The following AGBL4 variants were observed in gnomAD, a reference collection of about 807,000 sequenced individuals.
The protein encoded by AGBL4 is AGBL carboxypeptidase 4, also known as cytosolic carboxypeptidase 6.
A neutral mutation model predicts 66.4 loss-of-function variants in AGBL4; 58 were observed. That is an observed-to-expected ratio of 0.87 (90% CI 0.71 to 1.09). AGBL4 has a LOEUF of 1.09. AGBL4 is among the 50% of genes least tolerant of loss of function. The probability of loss-of-function intolerance (pLI) is 0.00; values close to 1 mark genes in which losing one functional copy is unlikely to be tolerated. For missense variants in AGBL4, 579 were observed against 631.0 expected, an observed-to-expected ratio of 0.92 and a Z score of 0.88; for synonymous variants, 234 against 222.9, an observed-to-expected ratio of 1.05 and a Z score of -0.44.
At chr1:49,357,495 A>T (rs974812309) in intron 3 of AGBL4, among the ~76,000 whole-genome samples, 1 of 152,176 alleles carries the variant, frequency 6.6e-6, no homozygotes, top group East Asian at 1.9e-4. Flanking sequence ...CCAATTTTGT[A>T]ATAAGTAGCA....
intron 6 of AGBL4, among the ~76,000 whole-genome samples, chr1:48,695,015 C>T (rs895925541): frequency 2.0e-5 from 3 of 152,184 alleles, no homozygotes; most frequent in African/African-American, 7.2e-5. Context: ...ACCCTACTGG[C>T]TCTTTTCTGT....
intron 3 of AGBL4, among the ~76,000 whole-genome samples, chr1:49,630,055 T>G (rs1645541135): frequency 6.6e-6 from 1 of 152,148 alleles, no homozygotes; most frequent in Admixed American, 6.5e-5. Flanking sequence ...TGCCTACAAT[T>G]AAAATAACTA....
intron 3 of AGBL4, among the ~76,000 whole-genome samples, chr1:49,439,559 G>C (rs781573028): frequency 2.6e-5 from 4 of 152,138 alleles, no homozygotes; most frequent in Admixed American, 6.5e-5. Flanking sequence ...GCGAAGTACC[G>C]ATCCTGGGTG....
intron 4 of AGBL4, among the ~76,000 whole-genome samples, chr1:49,207,542 T>TTTTCTTTCCTTCTTTC: frequency 2.6e-5 from 2 of 78,030 alleles, no homozygotes; most frequent in South Asian, 1.2e-3. Flanking sequence ...TTTTTCTTTC[T>TTTTCTTTCCTTCTTTC]TTTCTTTCTT....
intron 6 of AGBL4, among the ~76,000 whole-genome samples, chr1:48,718,888 G>A (rs545892470): frequency 2.2e-4 from 33 of 152,332 alleles, no homozygotes; most frequent in African/African-American, 7.7e-4. Context: ...TCTGATGGGA[G>A]GGCAGTGCCT....
chr1:48,885,181 A>G (rs1650202912), intron 5 of AGBL4, among the ~76,000 whole-genome samples: 1 of 152,188 alleles, frequency 6.6e-6, no homozygotes, highest in African/African-American at 2.4e-5. Flanking sequence ...ATATTTTTAA[A>G]TGATTCAAAA....
intron 2 of AGBL4, among the ~76,000 whole-genome samples, chr1:49,755,156 C>T (rs938258247): frequency 2.6e-5 from 4 of 152,146 alleles, no homozygotes; most frequent in Non-Finnish European, 4.4e-5. Flanking sequence ...CACATCAACC[C>T]TTAAGATCAG....
chr1:49,278,398 C>G (rs780115113), intron 3 of AGBL4, among the ~76,000 whole-genome samples: 2 of 151,958 alleles, frequency 1.3e-5, no homozygotes, highest in Non-Finnish European at 2.9e-5. Context: ...AGAGAGAGAG[C>G]AGCACTTGTT....
At chr1:49,995,228 C>A (rs1230475406) in intron 1 of AGBL4, 1 of 456,162 alleles carries the variant, frequency 2.2e-6, no homozygotes, top group Non-Finnish European at 4.4e-6. Flanking sequence ...TGCTTGCTTT[C>A]TCAGTGGAGA....
intron 3 of AGBL4, among the ~76,000 whole-genome samples, chr1:49,526,234 C>T (rs1650652924): frequency 6.6e-6 from 1 of 151,950 alleles, no homozygotes; most frequent in South Asian, 2.1e-4. Flanking sequence ...ATTAAATAAC[C>T]CTATCTTACT....
intron 1 of AGBL4, among the ~76,000 whole-genome samples, chr1:49,928,775 C>T (rs1653041877): frequency 6.6e-6 from 1 of 151,872 alleles, no homozygotes; most frequent in Non-Finnish European, 1.5e-5. Flanking sequence ...AAAGAACCAA[C>T]AGTTGACCCA....
chr1:48,754,205 C>G (rs1164448217), intron 6 of AGBL4, among the ~76,000 whole-genome samples: 1 of 152,142 alleles, frequency 6.6e-6, no homozygotes, highest in Admixed American at 6.5e-5. Flanking sequence ...TGAGGAGAAA[C>G]CAAGAGAGAC....
chr1:49,222,161 C>G (rs776035802), intron 4 of AGBL4, among the ~76,000 whole-genome samples: 15 of 152,036 alleles, frequency 9.9e-5, no homozygotes, highest in Non-Finnish European at 2.1e-4. Context: ...TGATACAATA[C>G]CCATATTATA....
At chr1:48,606,192 G>T (rs574206817) in intron 9 of AGBL4, among the ~76,000 whole-genome samples, 184 of 36,634 alleles carry the variant, frequency 5.0e-3, no homozygotes, top group South Asian at 0.019. Flanking sequence ...TTGTGCTTGG[G>T]CTTTTTTTTT....
At chr1:49,229,071 A>T (rs147414683) in intron 4 of AGBL4, among the ~76,000 whole-genome samples, 4 of 152,230 alleles carry the variant, frequency 2.6e-5, no homozygotes, top group East Asian at 3.9e-4. Context: ...GTTGCCAGGG[A>T]TCCATTTCCC....
rs1254230360 is a variant in AGBL4, at chr1:48,766,838, C to T, written c.634+100353G>A. 3.3e-5 allele frequency among the ~76,000 whole-genome samples: 5 copies of T among 152,188 alleles called. No individual in the cohort carries two copies. In the East Asian group the frequency reaches 9.6e-4, roughly 29 times the overall value. ...CAAGTCCTCTGCTCATTCTTTTCTGCAGGCAGTGAACATTTACTGTTCCTG... is the reference window on the plus strand; with the variant it reads ...CAAGTCCTCTGCTCATTCTTTTCTGTAGGCAGTGAACATTTACTGTTCCTG... On this transcript the variant is annotated intron_variant, in intron 6 of 13. Coordinates refer to ENST00000371839, the MANE Select transcript of AGBL4 (RefSeq NM_032785.4).
intron 3 of AGBL4, among the ~76,000 whole-genome samples, chr1:49,332,962 C>T (rs1432327052): frequency 6.6e-6 from 1 of 152,150 alleles, no homozygotes; most frequent in African/African-American, 2.4e-5. Flanking sequence ...GCCATACTAA[C>T]TGGCATGAGA....
chr1:49,002,585 C>T (rs1424204045), intron 5 of AGBL4, among the ~76,000 whole-genome samples: 2 of 152,142 alleles, frequency 1.3e-5, no homozygotes, highest in African/African-American at 2.4e-5. Flanking sequence ...AAGGTCTCAT[C>T]GGTTTCAATT....
intron 5 of AGBL4, among the ~76,000 whole-genome samples, chr1:49,038,963 A>G (rs775852982): frequency 7.2e-5 from 11 of 152,126 alleles, no homozygotes; most frequent in Non-Finnish European, 4.4e-5. Flanking sequence ...ATCCTTCAAT[A>G]GGTAGATAAG....
Sources: gnomAD v4.1 joint callset for allele counts (sites outside exome capture counted in the v4.1 genomes callset) on GRCh38, gnomAD v4.1.1 for gene constraint, MANE v1.5 for transcripts, NCBI Gene and HGNC (gene_info 2026-07-23, HGNC 2026-07-21) for gene names.